DNAJB12: variants seen among roughly 807,000 people sequenced by gnomAD.
The protein encoded by DNAJB12 is dnaJ homolog subfamily B member 12.
In DNAJB12, 14 loss-of-function variants were observed where a neutral mutation model predicts 40.6. That is an observed-to-expected ratio of 0.34 (90% CI 0.23 to 0.54). DNAJB12 has a LOEUF of 0.54. Among genes scored for constraint, DNAJB12 ranks in the 20% least tolerant of loss-of-function variants. The pLI is 0.92. For missense variants in DNAJB12, 444 were observed against 501.7 expected (o/e 0.89, Z 1.10); for synonymous variants, 181 against 199.5 (o/e 0.91, Z 0.78).
In DNAJB12 at chr10:72,335,296, G is replaced by C. The variant is rs2131976137; in HGVS notation, c.*30+484C>G. The C allele has an allele frequency of 1.0e-6, 1 of 987,754 alleles. No individual in the cohort carries two copies. The highest frequency in any genetic ancestry group is 1.7e-5 in the African/African-American group (1 of 57,404). 61.2% of individuals were successfully genotyped at this position (987,754 alleles called of 1,614,324 possible). A position where few individuals can be genotyped will look rare whatever the true frequency, so the allele number is the denominator to read the frequency against. On this transcript the variant is annotated intron_variant, in intron 8 of 8. Coordinates refer to ENST00000444643, the MANE Select transcript of DNAJB12 (RefSeq NM_017626.7). The surrounding 1 kb of genome is among the most constrained non-coding windows in gnomAD (Gnocchi z 4.4). Reference sequence around the variant, plus strand: ...TCCTAGCTGGAGGGATGGAGAAAGGGGAGGGCTCTTGGCCCACCTATTCCC... The same window carrying C: ...TCCTAGCTGGAGGGATGGAGAAAGGCGAGGGCTCTTGGCCCACCTATTCCC...
intron 2 of DNAJB12, 26 bp from the exon 3 acceptor site, chr10:72,343,537 G>A (rs1413837209): frequency 3.7e-6 from 6 of 1,613,326 alleles, no homozygotes; most frequent in East Asian, 2.2e-5. Context: ...ACCATGGTAC[G>A]GGGTGCTCTA....
chr10:72,344,606 G>C (rs770599303), intron 2 of DNAJB12, among the ~76,000 whole-genome samples: 3 of 152,226 alleles, frequency 2.0e-5, no homozygotes, highest in Non-Finnish European at 2.9e-5. Flanking sequence ...GAATCTGGAG[G>C]GGGAGACAAA....
rs1028349594 is a variant in DNAJB12 at position 72,334,377 on chromosome 10, C to T, written c.*271G>A. 4 of 624,894 alleles carry T rather than the reference C, an allele frequency of 6.4e-6. No homozygotes were observed. The African/African-American group carries it at 7.6e-5, about 12-fold the overall frequency. The allele number at this position is 624,894 out of a possible 1,614,324, so 38.7% of individuals were successfully genotyped here. On this transcript the variant is annotated 3_prime_UTR_variant, in exon 9 of 9. Transcript: ENST00000444643. ...CTTTCGTTGCCATGGTTTCTGTATCCTAGGAGAGAGGCGATGCGGAGCCTC... is the reference window on the plus strand; with the variant it reads ...CTTTCGTTGCCATGGTTTCTGTATCTTAGGAGAGAGGCGATGCGGAGCCTC...
intron 1 of DNAJB12, among the ~76,000 whole-genome samples, chr10:72,352,083 C>A (rs1158505214): frequency 6.6e-6 from 1 of 152,216 alleles, no homozygotes; most frequent in Non-Finnish European, 1.5e-5. Context: ...GCAATTCTCT[C>A]CTATTGGCTT....
At chr10:72,336,469 A>C in intron 7 of DNAJB12, 55 bp downstream of exon 7, 3 of 1,571,244 alleles carry the variant, frequency 1.9e-6, no homozygotes, top group Non-Finnish European at 2.6e-6. Flanking sequence ...CCTGCTTTCC[A>C]GCTTCATCCC....
At chr10:72,344,773 C>A (rs1160309850) in intron 2 of DNAJB12, among the ~76,000 whole-genome samples, 177 bp downstream of exon 2, 1 of 152,168 alleles carries the variant, frequency 6.6e-6, no homozygotes. Flanking sequence ...ATTCCTGGGC[C>A]TTGAGGGAAA....
At chr10:72,349,794 G>C (rs2132004724) in intron 1 of DNAJB12, among the ~76,000 whole-genome samples, 1 of 152,284 alleles carries the variant, frequency 6.6e-6, no homozygotes, top group African/African-American at 2.4e-5. Context: ...AGAGCCCAAA[G>C]GAGAATGGGG....
At chr10:72,339,086 T>C (rs1035783603) in intron 5 of DNAJB12, among the ~76,000 whole-genome samples, 1 of 150,814 alleles carries the variant, frequency 6.6e-6, no homozygotes, top group East Asian at 2.0e-4. Context: ...AACAGCAAAG[T>C]AAGACCCTAT....
rs760229144 is a variant in DNAJB12 at position 72,341,057 on chromosome 10, G to A, written c.571C>T (p.His191Tyr). ...GAGATGTCGGCCTCAAAGCCACGGTGGAAATCCCCATGCCCATGGCCGTGC... is the reference window on the plus strand; with the variant it reads ...GAGATGTCGGCCTCAAAGCCACGGTAGAAATCCCCATGCCCATGGCCGTGC... ...ARHGHGHGDFHRGFEADISPE... is the reference protein window; with the variant it reads ...ARHGHGHGDFYRGFEADISPE... Residue 191 changes from histidine to tyrosine, a missense_variant, in exon 4 of 9, where the codon CAC becomes TAC. Physicochemically the swap from His to Tyr is moderately conservative, Grantham distance 83. Transcript: ENST00000444643. The A allele has an allele frequency of 1.9e-6, 3 of 1,614,188 alleles. No homozygotes were observed. Among genetic ancestry groups the A allele is most frequent in the Non-Finnish European group, 2.5e-6 (3 of 1,180,032 alleles).
chr10:72,354,727 T>G, intron 1 of DNAJB12, 38 bp downstream of exon 1: 4 of 1,524,820 alleles, frequency 2.6e-6, no homozygotes, highest in Non-Finnish European at 3.6e-6. Flanking sequence ...CCCCCATCAG[T>G]TCTAATGTCC....
intron 1 of DNAJB12, 53 bp downstream of exon 1, chr10:72,354,712 T>G: frequency 3.3e-5 from 41 of 1,235,930 alleles, no homozygotes; most frequent in Middle Eastern, 2.7e-4. Flanking sequence ...TCCGTTCCCG[T>G]GTTCCCCCCA....
Position 72,341,137 on chromosome 10 carries a change from G to T in DNAJB12, c.491C>A (p.Pro164Gln). 6.2e-7 allele frequency: 1 copy of T among 1,613,838 alleles called. No individual in the cohort carries two copies. The highest frequency in any genetic ancestry group is 8.5e-7 in the Non-Finnish European group (1 of 1,179,806). Reference protein sequence around the residue: ...IGTAYAVLSNPEKRKQYDQFG... With the variant: ...IGTAYAVLSNQEKRKQYDQFG... ...CTGGTCATACTGCTTCCTCTTCTCC[G>T]GGTTGCTGAGTACCGCATATGCTGT... is the stretch of plus-strand genomic sequence containing the variant. The change falls in exon 4 of 9, where the codon CCG (proline) becomes CAG (glutamine). Residue 164 changes from proline (P) to glutamine (Q), a missense_variant. By Grantham distance (76) the Pro-to-Gln change is moderately conservative (BLOSUM62 -1). Coordinates refer to ENST00000444643, the MANE Select transcript of DNAJB12 (RefSeq NM_017626.7).
At chr10:72,341,561 C>T (rs1482408913) in intron 3 of DNAJB12, among the ~76,000 whole-genome samples, 2 of 152,206 alleles carry the variant, frequency 1.3e-5, no homozygotes, top group African/African-American at 2.4e-5. Flanking sequence ...GTCTCAACTT[C>T]CTTTGCTCAA....
At chr10:72,336,169 C>G (rs901866482) in intron 7 of DNAJB12, among the ~76,000 whole-genome samples, 1 of 152,212 alleles carries the variant, frequency 6.6e-6, no homozygotes, top group Non-Finnish European at 1.5e-5. Flanking sequence ...ACCCTGTCAT[C>G]CTGGTCAGGC....
At chr10:72,339,483 A>T (rs1861570313) in intron 5 of DNAJB12, among the ~76,000 whole-genome samples, 1 of 151,910 alleles carries the variant, frequency 6.6e-6, no homozygotes, top group South Asian at 2.1e-4. Context: ...GCAGTGAGCC[A>T]AGATTGTGCC....
intron 1 of DNAJB12, chr10:72,353,440 A>G (rs1363058700): frequency 6.6e-6 from 1 of 152,292 alleles, no homozygotes; most frequent in Non-Finnish European, 1.5e-5. Context: ...AAAGTTCAGC[A>G]GTCCAGGCTA....
At chr10:72,338,954 T>C (rs1464114068) in intron 5 of DNAJB12, among the ~76,000 whole-genome samples, 1 of 152,172 alleles carries the variant, frequency 6.6e-6, no homozygotes, top group East Asian at 1.9e-4. Flanking sequence ...TCTTCTGTTG[T>C]TAGATACAAA....
intron 2 of DNAJB12, among the ~76,000 whole-genome samples, chr10:72,343,948 G>A (rs1861712546): frequency 6.6e-6 from 1 of 151,786 alleles, no homozygotes; most frequent in Non-Finnish European, 1.5e-5. Context: ...ATAGAGACAG[G>A]GTCTTCTAAT....
intron 1 of DNAJB12, among the ~76,000 whole-genome samples, chr10:72,352,609 T>A (rs1259016042): frequency 6.6e-6 from 1 of 152,200 alleles, no homozygotes; most frequent in African/African-American, 2.4e-5. Flanking sequence ...GATTTTTTCA[T>A]GCCTGTCCTT....
Sources: gnomAD v4.1 joint callset for allele counts (sites outside exome capture counted in the v4.1 genomes callset) on GRCh38, gnomAD v4.1.1 for gene constraint, Gnocchi (gnomAD v3.1) non-coding constraint, MANE v1.5 for transcripts, NCBI Gene and HGNC (gene_info 2026-07-23, HGNC 2026-07-21) for gene names.